Variants in CACHD1 observed in about 807,000 individuals in gnomAD.
CACHD1 encodes the protein cache domain containing 1.
A neutral mutation model predicts 138.7 loss-of-function variants in CACHD1; 71 were observed. That is an observed-to-expected ratio of 0.51 (90% CI 0.42 to 0.62). The LOEUF (loss-of-function observed/expected upper bound fraction) is 0.62, where lower values mean the gene tolerates loss of function less well. Among genes scored for constraint, CACHD1 ranks in the 20% least tolerant of loss-of-function variants. The probability of loss-of-function intolerance (pLI) is 0.00; values close to 1 mark genes in which losing one functional copy is unlikely to be tolerated. For synonymous variants in CACHD1, 578 were observed against 591.5 expected (o/e 0.98, Z 0.33); for missense variants, 1,389 against 1,625.3 (o/e 0.85, Z 2.50).
In CACHD1 at chr1:64,638,182, T is replaced by C. The variant is rs187833692; in HGVS notation, c.1007-3638T>C. On this transcript the variant is annotated intron_variant, in intron 7 of 26. Transcript: ENST00000651257. ...AGGCAACAGTGTAGCAAGGGGTCTG[T>C]ATACACTTCCTAGAAGTTTATTCTA... Among the ~76,000 whole-genome samples, 4 of 152,332 alleles carry C rather than the reference T, an allele frequency of 2.6e-5. No individual in the cohort carries two copies. The East Asian group carries it at 7.7e-4, about 29-fold the overall frequency.
chr1:64,486,075 T>C (rs1441953192), intron 1 of CACHD1, among the ~76,000 whole-genome samples: 1 of 152,174 alleles, frequency 6.6e-6, no homozygotes, highest in Non-Finnish European at 1.5e-5. Context: ...TGTGAAATGG[T>C]ATCTCATTGT....
chr1:64,672,880 C>T (rs1334943264), intron 17 of CACHD1, among the ~76,000 whole-genome samples: 1 of 152,128 alleles, frequency 6.6e-6, no homozygotes, highest in Non-Finnish European at 1.5e-5. Flanking sequence ...CCATCTTACT[C>T]GGACTGGGTG....
Position 64,634,329 on chromosome 1 carries a change from T to C in CACHD1, c.1006+69T>C, listed in dbSNP as rs569991641. ...GATGGCAATAGGAATATATTGTAAA[T>C]TGATCACACAATGATGTTTAGAGAG... On this transcript the variant is annotated intron_variant, in intron 7 of 26. Transcript: ENST00000651257. 6.0e-6 allele frequency: 6 copies of C among 1,002,328 alleles called. No individual in the cohort carries two copies. The South Asian group carries it at 8.2e-5, about 14-fold the overall frequency. The allele number at this position is 1,002,328 out of a possible 1,614,324, so 62.1% of individuals were successfully genotyped here. A position where few individuals can be genotyped will look rare whatever the true frequency, so the allele number is the denominator to read the frequency against.
intron 1 of CACHD1, among the ~76,000 whole-genome samples, chr1:64,513,032 G>A (rs1469834547): frequency 1.3e-5 from 2 of 152,160 alleles, no homozygotes; most frequent in African/African-American, 2.4e-5. Context: ...CCTGCCACCA[G>A]AGTCCAAATC....
rs1647018523 is a variant in CACHD1 at position 64,582,202 on chromosome 1, T to C, written c.308T>C (p.Val103Ala). 6.2e-7 allele frequency: 1 copy of C among 1,614,050 alleles called. No individual in the cohort carries two copies. Among genetic ancestry groups the C allele is most frequent in the Non-Finnish European group, 8.5e-7 (1 of 1,179,928 alleles). The change falls in exon 3 of 27, where the codon GTC (valine) becomes GCC (alanine). Residue 103 changes from valine (V) to alanine (A), a missense_variant. Val to Ala is a moderately conservative substitution (Grantham distance 64, BLOSUM62 0). Transcript: ENST00000651257. ...AAGTTCAACCGTTACTTGGATGTGG[T>C]CAATCGGAACAAGCAAGTTGTAGAA... is the stretch of plus-strand genomic sequence containing the variant. ...REKFNRYLDV[V>A]NRNKQVVEAS...
At position 64,691,339 on chromosome 1, in the gene CACHD1, C is replaced by A; in HGVS notation, c.3603C>A (p.Ser1201Arg). ...TESDHGYSTM[S>R]PQEDSENPPC... ...TTTTTCTAGGTTACAGCACCATGAGCCCACAGGAGGACAGTGAAAATCCTC... is the reference window on the plus strand; with the variant it reads ...TTTTTCTAGGTTACAGCACCATGAGACCACAGGAGGACAGTGAAAATCCTC... Residue 1201 changes from serine (S) to arginine (R), a missense_variant, in exon 27 of 27, where the codon AGC (serine) becomes AGA (arginine). By Grantham distance (110) the Ser-to-Arg change is moderately radical. Around this residue, in one of 5 missense-constraint regions of CACHD1, gnomAD observed 11 missense variants for 32.5 expected, o/e 0.34. Transcript: ENST00000651257. 6.2e-7 allele frequency: 1 copy of A among 1,613,952 alleles called. No homozygotes were observed. Among genetic ancestry groups the A allele is most frequent in the Non-Finnish European group, 8.5e-7 (1 of 1,179,950 alleles).
chr1:64,586,919 T>C (rs1415410552), intron 3 of CACHD1, among the ~76,000 whole-genome samples: 2 of 152,222 alleles, frequency 1.3e-5, no homozygotes, highest in African/African-American at 2.4e-5. Flanking sequence ...CTGTAAGATA[T>C]TGTAGTTCTA....
chr1:64,477,982 A>G (rs1055575444), intron 1 of CACHD1, among the ~76,000 whole-genome samples: 28 of 152,136 alleles, frequency 1.8e-4, no homozygotes, highest in Non-Finnish European at 2.9e-4. Context: ...AATTTCATCT[A>G]TGACATGTTT....
At chr1:64,544,927 A>G (rs535481035) in intron 1 of CACHD1, among the ~76,000 whole-genome samples, 4 of 152,256 alleles carry the variant, frequency 2.6e-5, no homozygotes, top group African/African-American at 9.6e-5. Context: ...GCAATATTGT[A>G]TATACTTAAA....
chr1:64,483,580 A>C (rs578213421), intron 1 of CACHD1, among the ~76,000 whole-genome samples: 5 of 151,160 alleles, frequency 3.3e-5, no homozygotes, highest in African/African-American at 1.2e-4. Context: ...GTGGTGGCTC[A>C]CTTTGGTAAT....
intron 19 of CACHD1, among the ~76,000 whole-genome samples, chr1:64,674,235 G>C (rs1414174360): frequency 6.6e-6 from 1 of 152,164 alleles, no homozygotes; most frequent in African/African-American, 2.4e-5. Flanking sequence ...TTTAAAACAT[G>C]AATATGTTAA....
chr1:64,480,372 C>T (rs1237449516), intron 1 of CACHD1, among the ~76,000 whole-genome samples: 1 of 152,022 alleles, frequency 6.6e-6, no homozygotes, highest in Non-Finnish European at 1.5e-5. Flanking sequence ...TGTGGGGGCC[C>T]CTTTTTTTTC....
chr1:64,573,633 T>C (rs1206514552), intron 2 of CACHD1, among the ~76,000 whole-genome samples: 1 of 152,210 alleles, frequency 6.6e-6, no homozygotes, highest in Non-Finnish European at 1.5e-5. Flanking sequence ...CTTTCCAATA[T>C]GGCAAATAAT....
At chr1:64,555,178 A>G (rs1424027847) in intron 2 of CACHD1, among the ~76,000 whole-genome samples, 2 of 151,754 alleles carry the variant, frequency 1.3e-5, no homozygotes, top group Non-Finnish European at 2.9e-5. Context: ...TTGTGGAGAC[A>G]GGGTTTCTCC....
chr1:64,470,996 C>A lies in CACHD1; in HGVS notation c.198+54C>A. 1 of 1,504,018 alleles carries A rather than the reference C, an allele frequency of 6.6e-7. No homozygotes were observed. The allele number at this position is 1,504,018 out of a possible 1,614,324, so 93.2% of individuals were successfully genotyped here. A position where few individuals can be genotyped will look rare whatever the true frequency, so the allele number is the denominator to read the frequency against. On this transcript the variant is annotated intron_variant, in intron 1 of 26. Coordinates refer to ENST00000651257, the MANE Select transcript of CACHD1 (RefSeq NM_020925.4). The surrounding 1 kb of genome is among the most constrained non-coding windows in gnomAD (Gnocchi z 5.2). ...CCCGCCTTTCTCCTTTGCTCAAACT[C>A]CCATCCCACTCCCGGTACAAGTCCC...
In CACHD1 at chr1:64,486,344, G is replaced by GCA. The variant is rs1161509879; in HGVS notation, c.198+15403_198+15404insAC. Among the ~76,000 whole-genome samples the GCA allele has an allele frequency of 1.1e-3, 137 of 120,510 alleles. 1 individual carries two copies. Among genetic ancestry groups the GCA allele is most frequent in the South Asian group, 1.9e-3 (7 of 3,666 alleles). 79.1% of individuals were successfully genotyped at this position (120,510 alleles called of 152,430 possible). A position where few individuals can be genotyped will look rare whatever the true frequency, so the allele number is the denominator to read the frequency against. Reference sequence around the variant, plus strand: ...ATTCATTTATTGTCAAGTTTTGAGAGCGCGCGCACACACACACACACACAT... The same window carrying GCA: ...ATTCATTTATTGTCAAGTTTTGAGAGCACGCGCGCACACACACACACACACAT... On this transcript the variant is annotated intron_variant, in intron 1 of 26. Transcript: ENST00000651257.
chr1:64,654,874 C>A, intron 12 of CACHD1, 71 bp downstream of exon 12: 2 of 1,156,148 alleles, frequency 1.7e-6, no homozygotes, highest in South Asian at 1.3e-5. Context: ...TTGGAATTCT[C>A]AGCCAGGGGG....
intron 9 of CACHD1, 32 bp from the exon 10 acceptor site, chr1:64,652,129 G>A (rs549880813): frequency 1.3e-6 from 2 of 1,572,598 alleles, no homozygotes; most frequent in Non-Finnish European, 1.7e-6. Context: ...TTCTCTGCTG[G>A]TCTTTAGATT....
intron 2 of CACHD1, among the ~76,000 whole-genome samples, chr1:64,578,358 C>T (rs538878545): frequency 6.6e-6 from 1 of 152,326 alleles, no homozygotes; most frequent in South Asian, 2.1e-4. Flanking sequence ...ATTTACAACT[C>T]ACAGGGTACA....
Sources: gnomAD v4.1 joint callset for allele counts (sites outside exome capture counted in the v4.1 genomes callset) on GRCh38, gnomAD v4.1.1 for gene constraint, gnomAD v4.1.1 regional missense constraint, Gnocchi (gnomAD v3.1) non-coding constraint, MANE v1.5 for transcripts, NCBI Gene and HGNC (gene_info 2026-07-23, HGNC 2026-07-21) for gene names.